Variants in SMIM10L3 observed in about 807,000 individuals in gnomAD.
SMIM10L3 encodes the protein small integral membrane protein 10 like 3.
At chr7:6,344,957 T>C in the SMIM10L3 span, among the ~76,000 whole-genome samples, 1 of 151,958 alleles carries the variant, frequency 6.6e-6, no homozygotes, top group Admixed American at 6.6e-5. Context: ...GCCATGCTGG[T>C]CTCAAACTCC....
the SMIM10L3 span, chr7:6,330,481 A>G: frequency 5.0e-6 from 8 of 1,614,046 alleles, no homozygotes; most frequent in Non-Finnish European, 6.8e-6. Context: ...CTTGAATTCT[A>G]TTGTTTGCTT....
chr7:6,330,356 G>T, the SMIM10L3 span: 70 of 1,590,266 alleles, frequency 4.4e-5, 1 homozygote, highest in South Asian at 6.8e-4. Flanking sequence ...TAATCTATTG[G>T]TATTGTTCTG....
the SMIM10L3 span, chr7:6,348,924 T>C: frequency 3.1e-5 from 12 of 383,518 alleles, no homozygotes; most frequent in South Asian, 1.4e-4. Flanking sequence ...CTCGGAGAAG[T>C]GCCTCCGCGA....
chr7:6,335,226 CTATTTTTT>C, the SMIM10L3 span, among the ~76,000 whole-genome samples: 1 of 138,182 alleles, frequency 7.2e-6, no homozygotes, highest in Non-Finnish European at 1.6e-5. Flanking sequence ...CCATGCCCAG[CTATTTTTT>C]TTTTTTAAAT....
At chr7:6,337,308 T>G in the SMIM10L3 span, among the ~76,000 whole-genome samples, 3 of 152,056 alleles carry the variant, frequency 2.0e-5, no homozygotes, top group Admixed American at 2.0e-4. Flanking sequence ...TTTGAGTAGA[T>G]ATGGGGTTTT....
chr7:6,338,380 A>C, the SMIM10L3 span, among the ~76,000 whole-genome samples: 2 of 152,142 alleles, frequency 1.3e-5, no homozygotes, highest in Admixed American at 6.6e-5. Context: ...AATTTAAAAA[A>C]CAGTGTAAAT....
the SMIM10L3 span, chr7:6,330,805 A>C: frequency 6.2e-7 from 1 of 1,614,132 alleles, no homozygotes; most frequent in Non-Finnish European, 8.5e-7. Context: ...ACTGCAGGAC[A>C]CCCGAGCAAA....
chr7:6,330,953 C>T, the SMIM10L3 span: 1 of 1,614,252 alleles, frequency 6.2e-7, no homozygotes, highest in Non-Finnish European at 8.5e-7. Context: ...CCGCTCGGAT[C>T]CTTTCTCATT....
At chr7:6,337,111 G>A in the SMIM10L3 span, among the ~76,000 whole-genome samples, 1 of 145,952 alleles carries the variant, frequency 6.9e-6, no homozygotes, top group Non-Finnish European at 1.5e-5. Context: ...TCTCTGTCTC[G>A]CCCAGGCTGG....
chr7:6,330,461 T>G, the SMIM10L3 span: 1 of 1,614,082 alleles, frequency 6.2e-7, no homozygotes, highest in Non-Finnish European at 8.5e-7. Flanking sequence ...GAGGTGCTTT[T>G]AAGCATTTTC....
the SMIM10L3 span, chr7:6,342,011 G>C: frequency 1.3e-5 from 2 of 151,484 alleles, no homozygotes; most frequent in Non-Finnish European, 2.9e-5. Context: ...AAAAAAAATT[G>C]CAAGTGCTGA....
chr7:6,341,945 C>G, the SMIM10L3 span: 1 of 151,748 alleles, frequency 6.6e-6, no homozygotes, highest in Non-Finnish European at 1.5e-5. Flanking sequence ...CTGCAGTGAG[C>G]CAAGATCATA....
At chr7:6,345,408 C>G in the SMIM10L3 span, among the ~76,000 whole-genome samples, 9 of 152,274 alleles carry the variant, frequency 5.9e-5, no homozygotes, top group East Asian at 1.9e-4. Context: ...AGCCACCACA[C>G]CCAGCCCTCG....
the SMIM10L3 span, among the ~76,000 whole-genome samples, chr7:6,336,234 C>T: frequency 6.6e-6 from 1 of 151,240 alleles, no homozygotes; most frequent in East Asian, 1.9e-4. Context: ...TAGTCCCAGT[C>T]ACTTGAGAGG....
chr7:6,345,033 C>A, the SMIM10L3 span, among the ~76,000 whole-genome samples: 2 of 151,960 alleles, frequency 1.3e-5, no homozygotes, highest in African/African-American at 4.8e-5. Context: ...TAAATCCCAC[C>A]ACGCCCGGCC....
the SMIM10L3 span, among the ~76,000 whole-genome samples, chr7:6,334,131 C>G: frequency 3.3e-5 from 5 of 151,474 alleles, no homozygotes; most frequent in Non-Finnish European, 7.4e-5. Flanking sequence ...CAAGCGTGAG[C>G]CACCGCACCC....
the SMIM10L3 span, among the ~76,000 whole-genome samples, chr7:6,342,896 G>C: frequency 6.6e-6 from 1 of 151,840 alleles, no homozygotes; most frequent in African/African-American, 2.4e-5. Context: ...AATCAACCAG[G>C]CATGGTGGCA....
the SMIM10L3 span, among the ~76,000 whole-genome samples, chr7:6,336,832 T>C: frequency 3.9e-5 from 6 of 152,038 alleles, no homozygotes; most frequent in African/African-American, 1.4e-4. Flanking sequence ...TTTTTTGTAT[T>C]TTGTGTAGAG....
the SMIM10L3 span, among the ~76,000 whole-genome samples, chr7:6,340,717 G>A: frequency 6.6e-6 from 1 of 151,858 alleles, no homozygotes; most frequent in Admixed American, 6.6e-5. Context: ...GGCTAACACG[G>A]TAAAACCCTG....
Sources: gnomAD v4.1 joint callset for allele counts (sites outside exome capture counted in the v4.1 genomes callset) on GRCh38, gnomAD v4.1.1 for gene constraint, MANE v1.5 for transcripts, NCBI Gene and HGNC (gene_info 2026-07-23, HGNC 2026-07-21) for gene names.